The following RBM38 variants were observed in gnomAD, a reference collection of about 807,000 sequenced individuals.
RBM38 encodes the protein RNA-binding protein 38.
In RBM38, 11 loss-of-function variants were observed where a neutral mutation model predicts 23.5. The observed-to-expected ratio is 0.47, with a 90% CI of 0.29 to 0.77. The LOEUF (loss-of-function observed/expected upper bound fraction) is 0.77, where lower values mean the gene tolerates loss of function less well. Ranked by LOEUF, RBM38 falls within the 30% of genes least tolerant of loss-of-function variation. RBM38 has a pLI of 0.08. For missense variants in RBM38, 330 were observed against 351.9 expected (o/e 0.94, Z 0.50); for synonymous variants, 165 against 166.1 (o/e 0.99, Z 0.05).
In RBM38 at chr20:57,407,622, T is replaced by C. The variant is rs2067400415; in HGVS notation, c.496T>C (p.Ser166Pro). 1 of 1,613,572 alleles carries C rather than the reference T, an allele frequency of 6.2e-7. No homozygotes were observed. The highest frequency in any genetic ancestry group is 8.5e-7 in the Non-Finnish European group (1 of 1,179,842). Residue 166 changes from serine (S) to proline (P), a missense_variant, in exon 4 of 4, where the codon TCC becomes CCC. By Grantham distance (74) the Ser-to-Pro change is moderately conservative. Around this residue, in one of 3 missense-constraint regions of RBM38, gnomAD observed 227 missense variants for 216.4 expected, o/e 1.05. Transcript: ENST00000356208. The surrounding 1 kb of genome is among the most constrained non-coding windows in gnomAD (Gnocchi z 4.0). The part of the protein sequence containing the change: ...VIPAAPVPSL[S>P]SPYIEYTPAS... ...CCCAGCCGCCCCTGTCCCGTCGCTGTCCTCGCCCTACATTGAGTACACGCC... is the reference window on the plus strand; with the variant it reads ...CCCAGCCGCCCCTGTCCCGTCGCTGCCCTCGCCCTACATTGAGTACACGCC...
Position 57,391,444 on chromosome 20 carries a change from CGCGCACGGCGGGACGGGCGCCG to C in RBM38, c.-136_-115del, listed in dbSNP as rs1568803357. 158 of 150,964 alleles carry C rather than the reference CGCGCACGGCGGGACGGGCGCCG, an allele frequency of 1.0e-3. No individual in the cohort carries two copies. The highest frequency in any genetic ancestry group is 3.6e-3 in the African/African-American group (146 of 41,082). The allele number at this position is 150,964 out of a possible 1,614,324, so 9.4% of individuals were successfully genotyped here. A position where few individuals can be genotyped will look rare whatever the true frequency, so the allele number is the denominator to read the frequency against. On this transcript the variant is annotated 5_prime_UTR_variant, in exon 1 of 4. Transcript: ENST00000356208. ...GGGAGCGCAGCGCGGCGCACGTCGG[CGCGCACGGCGGGACGGGCGCCG>C]GAGTGGTCGGGCCTGGCGGCTGGAC...
In RBM38 at chr20:57,407,147, A is replaced by G. The variant is rs1188336639; in HGVS notation, c.417-396A>G. Among the ~76,000 whole-genome samples, 2 of 152,186 alleles carry G rather than the reference A, an allele frequency of 1.3e-5. No homozygotes were observed. The highest frequency in any genetic ancestry group is 6.5e-5 in the Admixed American group (1 of 15,284). ...ACAGGGCTGGCCTCCCAGACATGCA[A>G]CCAGGACATTCGTACCGGGCCCTGC... is the stretch of plus-strand genomic sequence containing the variant. On this transcript the variant is annotated intron_variant, in intron 3 of 3. Coordinates refer to ENST00000356208, the MANE Select transcript of RBM38 (RefSeq NM_017495.6). The surrounding 1 kb of genome is among the most constrained non-coding windows in gnomAD (Gnocchi z 4.0).
intron 3 of RBM38, among the ~76,000 whole-genome samples, chr20:57,402,366 G>A (rs972275090): frequency 2.6e-5 from 4 of 152,180 alleles, no homozygotes; most frequent in East Asian, 1.9e-4. Context: ...AGGGAGGATC[G>A]GAGAATTGAG....
intron 3 of RBM38, among the ~76,000 whole-genome samples, chr20:57,400,637 G>A (rs1356366531): frequency 6.6e-6 from 1 of 152,182 alleles, no homozygotes; most frequent in Non-Finnish European, 1.5e-5. Flanking sequence ...TGGCATGTGG[G>A]GGGTCTGTCC....
intron 3 of RBM38, 124 bp downstream of exon 3, chr20:57,393,457 C>A: frequency 1.8e-6 from 2 of 1,087,516 alleles, no homozygotes; most frequent in Non-Finnish European, 2.8e-6. Flanking sequence ...GCGTTTAAGC[C>A]AAGGGAGTGA....
In RBM38 at chr20:57,397,816, C is replaced by T. The variant is rs564321382; in HGVS notation, c.416+4483C>T. Among the ~76,000 whole-genome samples, 8 of 152,350 alleles carry T rather than the reference C, an allele frequency of 5.3e-5. No individual in the cohort carries two copies. In the East Asian group the frequency reaches 1.5e-3, roughly 29 times the overall value. ...GAATAAGAAAGACACGGTCCCCGAT[C>T]TCGTGCTCACATTCTGTTTGTGCAC... On this transcript the variant is annotated intron_variant, in intron 3 of 3. Coordinates refer to ENST00000356208, the MANE Select transcript of RBM38 (RefSeq NM_017495.6).
At chr20:57,393,009 C>G in intron 2 of RBM38, 1 of 679,704 alleles carries the variant, frequency 1.5e-6, no homozygotes. Flanking sequence ...ACCCCAGTTG[C>G]CAGCTGTCCT....
At chr20:57,392,812 G>C in intron 2 of RBM38, 35 bp downstream of exon 2, 1 of 1,606,128 alleles carries the variant, frequency 6.2e-7, no homozygotes, top group Admixed American at 1.7e-5. Context: ...GGCTCTTCTC[G>C]GTTTCTATAT....
At chr20:57,397,952 C>CTGTG (rs956623333) in intron 3 of RBM38, among the ~76,000 whole-genome samples, 1 of 152,096 alleles carries the variant, frequency 6.6e-6, no homozygotes, top group Non-Finnish European at 1.5e-5. Flanking sequence ...GGAGATGTGT[C>CTGTG]TGTGTGTGTG....
intron 2 of RBM38, 39 bp downstream of exon 2, chr20:57,392,816 T>A (rs947657891): frequency 6.2e-7 from 1 of 1,605,208 alleles, no homozygotes; most frequent in Non-Finnish European, 8.5e-7. Context: ...CTTCTCGGTT[T>A]CTATATTGGG....
At chr20:57,397,192 C>G (rs2067282915) in intron 3 of RBM38, among the ~76,000 whole-genome samples, 1 of 152,248 alleles carries the variant, frequency 6.6e-6, no homozygotes, top group African/African-American at 2.4e-5. Context: ...TGTGGAGGGC[C>G]TGGCCCTGGG....
chr20:57,392,376 A>G (rs2067228681), intron 1 of RBM38: 2 of 1,489,342 alleles, frequency 1.3e-6, no homozygotes, highest in East Asian at 2.7e-5. Context: ...TTCGGGGTTC[A>G]TTTTTGCCCT....
chr20:57,402,177 C>G (rs1043269625), intron 3 of RBM38, among the ~76,000 whole-genome samples: 1 of 152,096 alleles, frequency 6.6e-6, no homozygotes, highest in Admixed American at 6.5e-5. Context: ...AATCTCCTGA[C>G]CTCATGATCC....
chr20:57,400,524 G>A (rs1307981683), intron 3 of RBM38, among the ~76,000 whole-genome samples: 1 of 152,162 alleles, frequency 6.6e-6, no homozygotes, highest in East Asian at 1.9e-4. Context: ...CCAGGCTCCG[G>A]CACTAGAGGG....
intron 3 of RBM38, among the ~76,000 whole-genome samples, chr20:57,401,078 C>A (rs778406101): frequency 6.6e-6 from 1 of 151,860 alleles, no homozygotes; most frequent in Non-Finnish European, 1.5e-5. Context: ...TACCTGACTG[C>A]GCCTGGCCGC....
At position 57,407,854 on chromosome 20, in the gene RBM38, TC is replaced by T. The variant is rs1178045624; in HGVS notation, c.*10del. The T allele has an allele frequency of 3.9e-6, 6 of 1,548,986 alleles. No individual in the cohort carries two copies. In the African/African-American group the frequency reaches 8.2e-5, roughly 21 times the overall value. ...CCTGACAGGATGCAGTGAGGGGCGT[TC>T]CTGCCCCGAGGACTGTGGCATTGTC... is the stretch of plus-strand genomic sequence containing the variant. On this transcript the variant is annotated 3_prime_UTR_variant, in exon 4 of 4. Coordinates refer to ENST00000356208, the MANE Select transcript of RBM38 (RefSeq NM_017495.6). This position sits in a 1 kb window ranked among gnomAD's most constrained non-coding sequence, Gnocchi z 4.0.
rs1162771137 is a variant in RBM38 at position 57,396,508 on chromosome 20, T to C, written c.416+3175T>C. Among the ~76,000 whole-genome samples the C allele has an allele frequency of 5.6e-4, 85 of 152,246 alleles. 1 individual carries two copies. The highest frequency in any genetic ancestry group is 1.5e-5 in the Non-Finnish European group (1 of 68,038). On this transcript the variant is annotated intron_variant, in intron 3 of 3. Transcript: ENST00000356208. ...CGGGAGCAGAGGTTTGTCCTGGGACTAGCTGCACCCAGAGCCTCTCCTTGG... is the reference window on the plus strand; with the variant it reads ...CGGGAGCAGAGGTTTGTCCTGGGACCAGCTGCACCCAGAGCCTCTCCTTGG...
chr20:57,397,919 C>G (rs770274732), intron 3 of RBM38, among the ~76,000 whole-genome samples: 1 of 152,218 alleles, frequency 6.6e-6, no homozygotes, highest in African/African-American at 2.4e-5. Flanking sequence ...CGGAACAGTT[C>G]CGCGTCTCGA....
chr20:57,391,886 A>G, intron 1 of RBM38, 68 bp downstream of exon 1: 2 of 1,159,174 alleles, frequency 1.7e-6, no homozygotes, highest in Non-Finnish European at 2.2e-6. Context: ...CGCCGAGTCC[A>G]CTCCGGGGCA....
Sources: allele counts gnomAD v4.1 joint callset (sites outside exome capture counted in the v4.1 genomes callset), GRCh38; gene constraint gnomAD v4.1.1; regional missense constraint gnomAD v4.1.1; non-coding constraint Gnocchi (gnomAD v3.1); transcripts MANE v1.5; gene names NCBI Gene and HGNC (gene_info 2026-07-23, HGNC 2026-07-21).